Variants in STRA6 observed in about 807,000 individuals in gnomAD.
STRA6 encodes the protein signaling receptor and transporter of retinol STRA6.
Under a neutral mutation model 83.6 loss-of-function variants are expected in STRA6, and 48 were observed. The ratio of observed to expected loss-of-function variants is 0.57; its 90% CI spans 0.46 to 0.73. STRA6 has a LOEUF of 0.73. Among genes scored for constraint, STRA6 ranks in the 30% least tolerant of loss-of-function variants. The pLI, the probability that STRA6 is intolerant of heterozygous loss-of-function variation, is 0.00. For missense variants in STRA6, 760 were observed against 838.8 expected (o/e 0.91, Z 1.16); for synonymous variants, 353 against 362.3 (o/e 0.97, Z 0.29).
At chr15:74,200,918 A>C (rs982730071) in intron 2 of STRA6, among the ~76,000 whole-genome samples, 3 of 152,276 alleles carry the variant, frequency 2.0e-5, no homozygotes, top group Admixed American at 2.0e-4. Flanking sequence ...CCAGGCCCTG[A>C]GGCTCCCAAG....
exon 1 of STRA6, chr15:74,209,008 C>G: frequency 9.4e-7 from 1 of 1,059,976 alleles, no homozygotes; most frequent in Non-Finnish European, 1.1e-6. Flanking sequence ...TCCCCAGCAC[C>G]TGCTTTAAAA....
At chr15:74,183,524 G>T in intron 14 of STRA6, 1 of 1,196,082 alleles carries the variant, frequency 8.4e-7, no homozygotes, top group Admixed American at 3.6e-5. Flanking sequence ...GATTACAGGT[G>T]TGAGCCACTG....
Position 74,189,179 on chromosome 15 carries a change from G to C in STRA6, c.1026C>G (p.Ile342Met). 11 of 1,614,078 alleles carry C rather than the reference G, an allele frequency of 6.8e-6. No individual in the cohort carries two copies. Among genetic ancestry groups the C allele is most frequent in the Middle Eastern group, 3.3e-4 (2 of 6,062 alleles). ...CCTCCTGCTTGTCCTCGGAGAGCACGATTCCAAAGCCGGCCAGCAGGTAGG... is the reference window on the plus strand; with the variant it reads ...CCTCCTGCTTGTCCTCGGAGAGCACCATTCCAAAGCCGGCCAGCAGGTAGG... ...DVSYLLAGFG[I>M]VLSEDKQEVV... The change falls in exon 12 of 19, where the codon ATC becomes ATG. Residue 342 changes from isoleucine to methionine, a missense_variant. By Grantham distance (10) the Ile-to-Met change is conservative. Transcript: ENST00000395105.
rs191496909 is a variant in STRA6 at position 74,179,890 on chromosome 15, G to A, written c.*190C>T. 2.2e-4 allele frequency: 156 copies of A among 724,032 alleles called. No homozygotes were observed. In the African/African-American group the frequency reaches 2.6e-3, roughly 12 times the overall value. The allele number at this position is 724,032 out of a possible 1,614,324, so 44.9% of individuals were successfully genotyped here. On this transcript the variant is annotated 3_prime_UTR_variant, in exon 19 of 19. Transcript: ENST00000395105. ...CAGAACCCCTGCTGGCTCTCCCATA[G>A]CCAAGTGGGTGGAGCAGAGCCCTCC...
chr15:74,199,566 T>G (rs868258451), intron 2 of STRA6, among the ~76,000 whole-genome samples: 1 of 151,802 alleles, frequency 6.6e-6, no homozygotes, highest in Admixed American at 6.6e-5. Flanking sequence ...GTCCCTGGAG[T>G]AGTTTGACCA....
intron 2 of STRA6, among the ~76,000 whole-genome samples, chr15:74,199,536 C>T (rs954787464): frequency 1.3e-5 from 2 of 152,178 alleles, no homozygotes; most frequent in African/African-American, 4.8e-5. Flanking sequence ...CACCTGGGCC[C>T]GGCAGGGACT....
intron 2 of STRA6, among the ~76,000 whole-genome samples, chr15:74,198,417 T>C (rs2073919358): frequency 6.6e-6 from 1 of 152,142 alleles, no homozygotes. Flanking sequence ...GGCTGAGCAC[T>C]TATTCTTGCT....
intron 14 of STRA6, 108 bp from the exon 15 acceptor site, chr15:74,182,568 A>C (rs1173563995): frequency 1.2e-6 from 1 of 863,918 alleles, no homozygotes; most frequent in Non-Finnish European, 1.9e-6. Context: ...GCCTGGTTTT[A>C]GATCTCTGCT....
At position 74,183,974 on chromosome 15, in the gene STRA6, A is replaced by G; in HGVS notation, c.1182T>C (p.Ala394=). 6.2e-7 allele frequency: 1 copy of G among 1,613,466 alleles called. No homozygotes were observed. Among genetic ancestry groups the G allele is most frequent in the Non-Finnish European group, 8.5e-7 (1 of 1,180,016 alleles). The change falls in exon 14 of 19, where the codon GCT becomes GCC. Residue 394 remains alanine, a synonymous_variant. Coordinates refer to ENST00000395105, the MANE Select transcript of STRA6 (RefSeq NM_022369.4). ...SLVTHRTNLR[A]LHRGAALDLS... ...AGTCCAGGGCAGCTCCTCGGTGCAG[A>G]GCTCGAAGGTTGGTCCTGGGGTGGG...
In STRA6 at chr15:74,181,451, G is replaced by T. The variant is rs2072984069; in HGVS notation, c.1528C>A (p.Leu510Ile). The T allele has an allele frequency of 3.7e-6, 6 of 1,613,730 alleles. No individual in the cohort carries two copies. Among genetic ancestry groups the T allele is most frequent in the Non-Finnish European group, 5.1e-6 (6 of 1,179,948 alleles). ...GHPQLTNRRV[L>I]YAATFLLFPL... ...AAGAGAAGAAAGGTGGCTGCATAGAGCACTCGCCTAGGATGGGAGAAGAAA... is the reference window on the plus strand; with the variant it reads ...AAGAGAAGAAAGGTGGCTGCATAGATCACTCGCCTAGGATGGGAGAAGAAA... The change falls in exon 17 of 19, where the codon CTC becomes ATC. Residue 510 changes from leucine (L) to isoleucine (I), a missense_variant. Coordinates refer to ENST00000395105, the MANE Select transcript of STRA6 (RefSeq NM_022369.4).
At chr15:74,185,979 C>A (rs577997177) in intron 12 of STRA6, among the ~76,000 whole-genome samples, 1 of 152,204 alleles carries the variant, frequency 6.6e-6, no homozygotes, top group African/African-American at 2.4e-5. Context: ...ATCTCAAGGA[C>A]GGGGAGAGCA....
chr15:74,197,401 G>C lies in STRA6; in HGVS notation c.203C>G (p.Ala68Gly). The change falls in exon 4 of 19, where the codon GCC (alanine) becomes GGC (glycine). Residue 68 changes from alanine (A) to glycine (G), a missense_variant. By Grantham distance (60) the Ala-to-Gly change is moderately conservative. Coordinates refer to ENST00000395105, the MANE Select transcript of STRA6 (RefSeq NM_022369.4). ...SLSILVLLLL[A>G]MLVRRRQLWP... ...GAGCTGGCGGCGCCTCACCAGCATG[G>C]CCAGGAGCAGCAGCACAAGGATCTG... 1 of 1,550,614 alleles carries C rather than the reference G, an allele frequency of 6.4e-7. No individual in the cohort carries two copies. Among genetic ancestry groups the C allele is most frequent in the Non-Finnish European group, 8.7e-7 (1 of 1,146,942 alleles).
At chr15:74,189,650 A>G (rs1255561762) in intron 11 of STRA6, among the ~76,000 whole-genome samples, 1 of 151,878 alleles carries the variant, frequency 6.6e-6, no homozygotes, top group African/African-American at 2.4e-5. Context: ...AAAATAATAC[A>G]GTAGGACAAC....
At chr15:74,210,416 A>C (rs1000412321), upstream of STRA6, among the ~76,000 whole-genome samples, 52 of 152,360 alleles carry the variant, frequency 3.4e-4, no homozygotes, top group Admixed American at 2.3e-3. Context: ...AACAGTAACC[A>C]AGAAAGCAAG....
At chr15:74,181,153 A>G in intron 17 of STRA6, 142 bp downstream of exon 17, 1 of 1,390,016 alleles carries the variant, frequency 7.2e-7, no homozygotes. Flanking sequence ...CAGGAGGCAC[A>G]GCGCAGGGGC....
rs79382990 is a variant in STRA6, at chr15:74,189,179, G to T, written c.1026C>A (p.Ile342=). 1 of 1,614,078 alleles carries T rather than the reference G, an allele frequency of 6.2e-7. No homozygotes were observed. The highest frequency in any genetic ancestry group is 8.5e-7 in the Non-Finnish European group (1 of 1,180,010). ...DVSYLLAGFG[I]VLSEDKQEVV... is the part of the protein sequence containing the mutation. ...CCTCCTGCTTGTCCTCGGAGAGCAC[G>T]ATTCCAAAGCCGGCCAGCAGGTAGG... Residue 342 remains isoleucine, a synonymous_variant, in exon 12 of 19, where the codon ATC becomes ATA. Transcript: ENST00000395105.
upstream of STRA6, among the ~76,000 whole-genome samples, chr15:74,210,729 T>C (rs2074354199): frequency 6.6e-6 from 1 of 152,234 alleles, no homozygotes; most frequent in Admixed American, 6.5e-5. Context: ...CAGCCCAATA[T>C]TGCACACTTC....
At chr15:74,194,310 C>T in intron 7 of STRA6, 1 of 1,148,168 alleles carries the variant, frequency 8.7e-7, no homozygotes, top group Non-Finnish European at 1.1e-6. Flanking sequence ...TCAACCTGAG[C>T]ATCAGGAAAG....
At chr15:74,193,008 G>A (rs1027234306) in intron 8 of STRA6, among the ~76,000 whole-genome samples, 3 of 152,242 alleles carry the variant, frequency 2.0e-5, no homozygotes, top group Non-Finnish European at 2.9e-5. Context: ...CTGACATATG[G>A]TAGGTGCTTA....
Sources: gnomAD v4.1 joint callset for allele counts (sites outside exome capture counted in the v4.1 genomes callset) on GRCh38, gnomAD v4.1.1 for gene constraint, MANE v1.5 for transcripts, NCBI Gene and HGNC (gene_info 2026-07-23, HGNC 2026-07-21) for gene names.